Variants in DLG2 observed in about 807,000 individuals in gnomAD.
The protein encoded by DLG2 is discs large MAGUK scaffold protein 2, also known as disks large homolog 2.
DLG2 carries 45 observed loss-of-function variants against 132.5 expected under a neutral mutation model. The observed-to-expected ratio is 0.34, with a 90% CI of 0.27 to 0.44. DLG2 has a LOEUF of 0.44. Among genes scored for constraint, DLG2 ranks in the 20% least tolerant of loss-of-function variants. DLG2 has a pLI of 1.00. For synonymous variants in DLG2, 424 were observed against 419.6 expected, an observed-to-expected ratio of 1.01 and a Z score of -0.13; for missense variants, 1,045 against 1,196.9, an observed-to-expected ratio of 0.87 and a Z score of 1.87.
At chr11:84,728,003 T>C (rs983850104) in intron 6 of DLG2, among the ~76,000 whole-genome samples, 9 of 152,170 alleles carry the variant, frequency 5.9e-5, no homozygotes, top group African/African-American at 1.4e-4. Flanking sequence ...ACTGAGACGA[T>C]GGGGTTTTCT....
At chr11:83,645,485 C>T (rs1017404382) in intron 18 of DLG2, among the ~76,000 whole-genome samples, 2 of 152,102 alleles carry the variant, frequency 1.3e-5, no homozygotes, top group Non-Finnish European at 2.9e-5. Context: ...CCATTCTATC[C>T]TCCAGACTCA....
At chr11:85,508,049 G>C (rs1287543735) in intron 3 of DLG2, among the ~76,000 whole-genome samples, 1 of 151,978 alleles carries the variant, frequency 6.6e-6, no homozygotes, top group Non-Finnish European at 1.5e-5. Flanking sequence ...ATGGTTTTCA[G>C]CTCCATCAGG....
chr11:83,553,067 T>C (rs1241204722), intron 19 of DLG2, among the ~76,000 whole-genome samples: 1 of 152,168 alleles, frequency 6.6e-6, no homozygotes, highest in African/African-American at 2.4e-5. Context: ...AAGTCTTACT[T>C]ATCTCTGTGC....
In DLG2 at chr11:84,513,738, A is replaced by C. The variant is rs192248589; in HGVS notation, c.519+20832T>G. ...TGATACTATGAAAGCATCACAAGAAAACATTGAAAAAAACCATCCAGGACA... is the reference window on the plus strand; with the variant it reads ...TGATACTATGAAAGCATCACAAGAACACATTGAAAAAAACCATCCAGGACA... On this transcript the variant is annotated intron_variant, in intron 7 of 27. Coordinates refer to ENST00000376104, the MANE Select transcript of DLG2 (RefSeq NM_001142699.3). Among the ~76,000 whole-genome samples the C allele has an allele frequency of 1.4e-4, 21 of 152,192 alleles. No homozygotes were observed. The East Asian group carries it at 3.1e-3, about 22-fold the overall frequency.
intron 4 of DLG2, among the ~76,000 whole-genome samples, chr11:85,258,008 C>T (rs372998535): frequency 6.6e-6 from 1 of 152,146 alleles, no homozygotes; most frequent in Non-Finnish European, 1.5e-5. Flanking sequence ...TACACTTTTA[C>T]TCTAAGGACT....
intron 5 of DLG2, chr11:85,132,929 G>T (rs1188975366): frequency 4.7e-6 from 2 of 428,936 alleles, no homozygotes; most frequent in African/African-American, 2.0e-5. Context: ...TTTCCAAGGG[G>T]GCCCCTCATG....
intron 4 of DLG2, among the ~76,000 whole-genome samples, chr11:85,215,701 CTT>C (rs1029814816): frequency 7.9e-5 from 12 of 152,132 alleles, no homozygotes; most frequent in African/African-American, 2.9e-4. Flanking sequence ...GCCTATTTTT[CTT>C]TGTCTTGTCC....
chr11:83,541,988 C>T (rs2096081554), intron 19 of DLG2, 130 bp from the exon 20 acceptor site: 2 of 842,200 alleles, frequency 2.4e-6, no homozygotes, highest in Non-Finnish European at 3.4e-6. Context: ...GGAATGATTC[C>T]CTGGATCACA....
rs2056991260 is a variant in DLG2, at chr11:83,839,240, T to G, written c.1566-5470A>C. Among the ~76,000 whole-genome samples the G allele has an allele frequency of 2.0e-5, 3 of 152,216 alleles. No homozygotes were observed. The South Asian group carries it at 6.2e-4, about 31-fold the overall frequency. On this transcript the variant is annotated intron_variant, in intron 16 of 27. Transcript: ENST00000376104. The stretch of plus-strand genomic sequence containing the variant: ...TTGGAATTTTTGAAACTCAGAAGAT[T>G]TAAATGCCTTTTTTAAAAACAGAAT...
At chr11:83,594,693 G>C (rs938310318) in intron 19 of DLG2, among the ~76,000 whole-genome samples, 4 of 152,194 alleles carry the variant, frequency 2.6e-5, no homozygotes, top group Non-Finnish European at 4.4e-5. Flanking sequence ...GGTAGGACTA[G>C]AAGAGGTGGC....
chr11:85,311,447 T>C (rs930863826), intron 3 of DLG2, among the ~76,000 whole-genome samples: 7 of 152,100 alleles, frequency 4.6e-5, no homozygotes, highest in African/African-American at 1.4e-4. Context: ...AGCCCAGATT[T>C]ACATCCACAC....
intron 6 of DLG2, among the ~76,000 whole-genome samples, chr11:85,031,598 CT>C (rs1264998884): frequency 6.6e-6 from 1 of 151,916 alleles, no homozygotes; most frequent in Non-Finnish European, 1.5e-5. Context: ...ACCATCTTTC[CT>C]TTTTTTAATA....
In DLG2 at chr11:84,534,580, G is replaced by A; in HGVS notation, c.509C>T (p.Ser170Phe). Reference sequence around the variant, plus strand: ...AGCAATATAACTGACCTTCAGAGGAGAAATATGAGACTGCAAGACATATCC... The same window carrying A: ...AGCAATATAACTGACCTTCAGAGGAAAAATATGAGACTGCAAGACATATCC... ...VHGYVLQSHI[S>F]PLKASPAPII... Residue 170 changes from serine to phenylalanine, a missense_variant, in exon 7 of 28, where the codon TCT (serine) becomes TTT (phenylalanine). Ser to Phe is a radical substitution (Grantham distance 155, BLOSUM62 -2). Around this residue, in one of 4 missense-constraint regions of DLG2, gnomAD observed 277 missense variants for 238.2 expected, o/e 1.16. Coordinates refer to ENST00000376104, the MANE Select transcript of DLG2 (RefSeq NM_001142699.3). 6.2e-7 allele frequency: 1 copy of A among 1,613,842 alleles called. No individual in the cohort carries two copies. The highest frequency in any genetic ancestry group is 8.5e-7 in the Non-Finnish European group (1 of 1,179,838).
chr11:84,532,409 C>A (rs1348941557), intron 7 of DLG2, among the ~76,000 whole-genome samples: 8 of 151,868 alleles, frequency 5.3e-5, no homozygotes, highest in Admixed American at 1.3e-4. Flanking sequence ...ACCTACTTAG[C>A]CTAAAGTTCT....
intron 18 of DLG2, among the ~76,000 whole-genome samples, chr11:83,670,093 C>T (rs1235456702): frequency 6.6e-6 from 1 of 152,188 alleles, no homozygotes; most frequent in African/African-American, 2.4e-5. Context: ...GCTTATCCAG[C>T]TGAGGACAGG....
intron 7 of DLG2, among the ~76,000 whole-genome samples, chr11:84,402,496 T>C (rs2098833007): frequency 6.6e-6 from 1 of 152,020 alleles, no homozygotes; most frequent in South Asian, 2.1e-4. Context: ...CAGGGCTTTT[T>C]CCACTACTGG....
At chr11:85,111,597 G>T (rs2072752871) in intron 6 of DLG2, 64 bp downstream of exon 6, 2 of 1,369,094 alleles carry the variant, frequency 1.5e-6, no homozygotes, top group Non-Finnish European at 9.9e-7. Context: ...ATTCCACTAA[G>T]ATTATTCCAA....
intron 3 of DLG2, among the ~76,000 whole-genome samples, chr11:85,489,221 T>C (rs976817340): frequency 6.6e-6 from 1 of 151,324 alleles, no homozygotes; most frequent in African/African-American, 2.4e-5. Flanking sequence ...AGTAAAGAGG[T>C]AGAAAAGAAT....
intron 6 of DLG2, among the ~76,000 whole-genome samples, chr11:85,001,118 G>T (rs1206060069): frequency 6.6e-6 from 1 of 151,518 alleles, no homozygotes; most frequent in African/African-American, 2.4e-5. Flanking sequence ...TTTTGAGACA[G>T]TATCTCACTC....
Sources: gnomAD v4.1 joint callset for allele counts (sites outside exome capture counted in the v4.1 genomes callset) on GRCh38, gnomAD v4.1.1 for gene constraint, gnomAD v4.1.1 regional missense constraint, MANE v1.5 for transcripts, NCBI Gene and HGNC (gene_info 2026-07-23, HGNC 2026-07-21) for gene names.